DMGDH: variants seen among roughly 807,000 people sequenced by gnomAD.
DMGDH encodes dimethylglycine dehydrogenase, also known as dimethylglycine dehydrogenase, mitochondrial.
A neutral mutation model predicts 95.2 loss-of-function variants in DMGDH; 76 were observed. That is an observed-to-expected ratio of 0.80 (90% CI 0.66 to 0.97). The LOEUF is 0.97. DMGDH is among the 50% of genes least tolerant of loss of function. DMGDH has a pLI of 0.00. For missense variants in DMGDH, 987 were observed against 1,055.0 expected (o/e 0.94, Z 0.89); for synonymous variants, 345 against 377.6 (o/e 0.91, Z 1.00).
At chr5:79,066,450 TA>T (rs1370325760) in intron 1 of DMGDH, among the ~76,000 whole-genome samples, 2 of 149,616 alleles carry the variant, frequency 1.3e-5, no homozygotes, top group African/African-American at 5.0e-5. Flanking sequence ...CACGCCCGGC[TA>T]ATTTTTTTTT....
intron 14 of DMGDH, among the ~76,000 whole-genome samples, chr5:79,022,581 G>T (rs998269514): frequency 6.6e-6 from 1 of 152,100 alleles, no homozygotes; most frequent in African/African-American, 2.4e-5. Context: ...TGTGACACTT[G>T]AATGAGAAAC....
Position 79,032,824 on chromosome 5 carries a change from T to C in DMGDH, c.1380A>G (p.Glu460=). The change falls in exon 9 of 16, where the codon GAA becomes GAG. Residue 460 remains glutamate (E), a synonymous_variant. Coordinates refer to ENST00000255189, the MANE Select transcript of DMGDH (RefSeq NM_013391.3). ...GAGTCGGCCTCCCAGCAAACCGTTCTTCTTTAGGATAACCAACTGAAAAGG... is the reference window on the plus strand; with the variant it reads ...GAGTCGGCCTCCCAGCAAACCGTTCCTCTTTAGGATAACCAACTGAAAAGG... ...GFNNIVGYPK[E]ERFAGRPTQR... The C allele has an allele frequency of 1.2e-6, 2 of 1,614,194 alleles. No homozygotes were observed. The highest frequency in any genetic ancestry group is 1.7e-6 in the Non-Finnish European group (2 of 1,180,038).
At chr5:79,015,620 A>G (rs1753717820) in intron 14 of DMGDH, among the ~76,000 whole-genome samples, 1 of 152,238 alleles carries the variant, frequency 6.6e-6, no homozygotes, top group Non-Finnish European at 1.5e-5. Flanking sequence ...ATAATAAACA[A>G]AACATATGTT....
At chr5:79,000,208 A>G (rs1050560692) in intron 15 of DMGDH, 7 of 612,948 alleles carry the variant, frequency 1.1e-5, no homozygotes, top group Non-Finnish European at 2.2e-5. Context: ...GTTTAAAGTG[A>G]TCTGGTCCTA....
intron 2 of DMGDH, among the ~76,000 whole-genome samples, chr5:79,063,076 G>A (rs141259476): frequency 1.3e-5 from 2 of 151,820 alleles, no homozygotes; most frequent in African/African-American, 4.8e-5. Flanking sequence ...TGGTAACAGC[G>A]AGACTCCATT....
intron 14 of DMGDH, among the ~76,000 whole-genome samples, chr5:79,023,965 C>T (rs1047476852): frequency 3.9e-5 from 6 of 152,202 alleles, no homozygotes; most frequent in Middle Eastern, 3.2e-3. Context: ...GCACTTCCAA[C>T]ATAAATGTCT....
chr5:79,005,515 T>A, intron 14 of DMGDH, 108 bp from the exon 15 acceptor site: 1 of 1,452,720 alleles, frequency 6.9e-7, no homozygotes, highest in Non-Finnish European at 9.5e-7. Flanking sequence ...CAATTACACA[T>A]TAAATAAAAA....
chr5:79,025,901 T>C lies in DMGDH; in HGVS notation c.2190+523A>G, dbSNP rs532931712. On this transcript the variant is annotated intron_variant, in intron 13 of 15. Coordinates refer to ENST00000255189, the MANE Select transcript of DMGDH (RefSeq NM_013391.3). Reference sequence around the variant, plus strand: ...GTTATTATGCGTAAAATAGAGGTAATGGAGAGTTGAGAAGGAAAATGAAAT... The same window carrying C: ...GTTATTATGCGTAAAATAGAGGTAACGGAGAGTTGAGAAGGAAAATGAAAT... 8.5e-5 allele frequency among the ~76,000 whole-genome samples: 13 copies of C among 152,290 alleles called. No individual in the cohort carries two copies. The South Asian group carries it at 2.7e-3, about 32-fold the overall frequency.
chr5:79,006,036 T>C lies in DMGDH; in HGVS notation c.2251-629A>G, dbSNP rs73771378. On this transcript the variant is annotated intron_variant, in intron 14 of 15. Coordinates refer to ENST00000255189, the MANE Select transcript of DMGDH (RefSeq NM_013391.3). ...TTTTATCAAAGAGTTTATTCTCTAA[T>C]ACTGTGCTTTTCAACCTTTTTTTTT... Among the ~76,000 whole-genome samples the C allele has an allele frequency of 4.7e-3, 686 of 147,486 alleles. 7 individuals carry two copies. The highest frequency in any genetic ancestry group is 0.016 in the African/African-American group (664 of 40,966).
chr5:79,068,445 G>A (rs1755443380), intron 1 of DMGDH, among the ~76,000 whole-genome samples: 1 of 152,166 alleles, frequency 6.6e-6, no homozygotes, highest in African/African-American at 2.4e-5. Context: ...TTTTATAGAT[G>A]AGGAAACTGA....
intron 1 of DMGDH, among the ~76,000 whole-genome samples, chr5:79,066,397 T>TGCCTCAGCCTCCC (rs1755381553): frequency 6.6e-6 from 1 of 152,102 alleles, no homozygotes; most frequent in Non-Finnish European, 1.5e-5. Context: ...GCCATTCTCC[T>TGCCTCAGCCTCCC]GCCTCAGCCT....
intron 13 of DMGDH, 89 bp from the exon 14 acceptor site, chr5:79,024,419 C>A (rs1311702589): frequency 7.9e-7 from 1 of 1,268,006 alleles, no homozygotes; most frequent in Non-Finnish European, 1.1e-6. Context: ...GAGAAAGAAC[C>A]CTTTTTGATT....
At position 79,032,800 on chromosome 5, in the gene DMGDH, A is replaced by T; in HGVS notation, c.1404T>A (p.Thr468=). The stretch of plus-strand genomic sequence containing the variant: ...TTTGATAGAGCCCACTGACTCGTTG[A>T]GTCGGCCTCCCAGCAAACCGTTCTT... ...PKEERFAGRP[T]QRVSGLYQRL... is the part of the protein sequence containing the mutation. The change falls in exon 9 of 16, where the codon ACT becomes ACA. Residue 468 remains threonine, a synonymous_variant. Transcript: ENST00000255189. The T allele has an allele frequency of 6.2e-7, 1 of 1,614,228 alleles. No individual in the cohort carries two copies. The highest frequency in any genetic ancestry group is 8.5e-7 in the Non-Finnish European group (1 of 1,180,036).
chr5:79,009,200 C>G (rs761665885), intron 14 of DMGDH, among the ~76,000 whole-genome samples: 3 of 151,984 alleles, frequency 2.0e-5, no homozygotes, highest in Admixed American at 1.3e-4. Flanking sequence ...AATATTAATG[C>G]AATTTGATAT....
chr5:79,059,262 C>T lies in DMGDH; in HGVS notation c.277-3354G>A, dbSNP rs73132152. On this transcript the variant is annotated intron_variant, in intron 2 of 15. Transcript: ENST00000255189. ...TGCTACCTTAACGTTTGTAATACAG[C>T]GATGTGAAGGCCTGGTTCTGGCTTT... is the stretch of plus-strand genomic sequence containing the variant. Among the ~76,000 whole-genome samples, 255 of 152,302 alleles carry T rather than the reference C, an allele frequency of 1.7e-3. 1 individual carries two copies. Among genetic ancestry groups the T allele is most frequent in the African/African-American group, 6.1e-3 (252 of 41,568 alleles).
chr5:79,044,268 G>T, intron 6 of DMGDH, 36 bp downstream of exon 6: 1 of 1,614,058 alleles, frequency 6.2e-7, no homozygotes, highest in South Asian at 1.1e-5. Context: ...AACCATTCAT[G>T]TCTGACTAGC....
chr5:79,046,152 T>A (rs1416486891), intron 5 of DMGDH, among the ~76,000 whole-genome samples: 2 of 152,136 alleles, frequency 1.3e-5, no homozygotes, highest in East Asian at 1.9e-4. Context: ...AGTGGCACGA[T>A]CTTGGCTCAC....
At chr5:79,060,822 G>C (rs1580231371) in intron 2 of DMGDH, among the ~76,000 whole-genome samples, 1 of 151,880 alleles carries the variant, frequency 6.6e-6, no homozygotes, top group South Asian at 2.1e-4. Flanking sequence ...GGGAGGCTGA[G>C]GCAGAGAATC....
intron 2 of DMGDH, among the ~76,000 whole-genome samples, chr5:79,058,103 C>A (rs890954403): frequency 1.3e-5 from 2 of 152,184 alleles, no homozygotes; most frequent in Non-Finnish European, 2.9e-5. Context: ...AAAAGTTAGT[C>A]TCCCTTACCG....
Sources: allele counts gnomAD v4.1 joint callset (sites outside exome capture counted in the v4.1 genomes callset), GRCh38; gene constraint gnomAD v4.1.1; transcripts MANE v1.5; gene names NCBI Gene and HGNC (gene_info 2026-07-23, HGNC 2026-07-21).